Variants in FBLN1 observed in about 807,000 individuals in gnomAD.
FBLN1 encodes fibulin 1, also known as fibulin-1.
In FBLN1, 34 loss-of-function variants were observed where a neutral mutation model predicts 89.7. The ratio of observed to expected loss-of-function variants is 0.38; its 90% CI spans 0.29 to 0.50. The LOEUF (loss-of-function observed/expected upper bound fraction) is 0.50. Among genes scored for constraint, FBLN1 ranks in the 20% least tolerant of loss-of-function variants. The pLI is 0.92. For missense variants in FBLN1, 777 were observed against 988.1 expected (o/e 0.79, Z 2.86); for synonymous variants, 393 against 391.3 (o/e 1.00, Z -0.05).
At chr22:45,543,957 A>G (rs2088592795) in intron 11 of FBLN1, among the ~76,000 whole-genome samples, 1 of 152,204 alleles carries the variant, frequency 6.6e-6, no homozygotes, top group East Asian at 1.9e-4. Context: ...GATGCTGCCT[A>G]GGGGAGACAG....
chr22:45,513,453 C>G (rs138358099), intron 1 of FBLN1, among the ~76,000 whole-genome samples: 43 of 151,918 alleles, frequency 2.8e-4, no homozygotes, highest in Admixed American at 1.5e-3. Context: ...ATTGCAAGCT[C>G]ACCCCACCAA....
At chr22:45,535,899 T>G (rs552175739) in intron 8 of FBLN1, among the ~76,000 whole-genome samples, 3 of 152,364 alleles carry the variant, frequency 2.0e-5, no homozygotes, top group Admixed American at 6.5e-5. Flanking sequence ...TAAAAAATAC[T>G]TGGCTGGGCA....
chr22:45,592,922 T>C (rs904481975), intron 16 of FBLN1, among the ~76,000 whole-genome samples: 2 of 152,222 alleles, frequency 1.3e-5, no homozygotes, highest in Non-Finnish European at 2.9e-5. Flanking sequence ...GTGCAGTCTC[T>C]TGATTCATCA....
intron 2 of FBLN1, among the ~76,000 whole-genome samples, chr22:45,519,160 C>T (rs2088213276): frequency 6.6e-6 from 1 of 152,130 alleles, no homozygotes; most frequent in Admixed American, 6.5e-5. Context: ...GAAACACGGA[C>T]CACCTACAGA....
intron 16 of FBLN1, among the ~76,000 whole-genome samples, chr22:45,584,182 T>C (rs5765498): frequency 0.35 from 53,764 of 151,864 alleles, 11,603 homozygotes; most frequent in Admixed American, 0.52. Context: ...CGAGGCAACA[T>C]AGGATGAGAA....
At position 45,563,154 on chromosome 22, in the gene FBLN1, C is replaced by T. The variant is rs1464869959; in HGVS notation, c.1698-11357C>T. 1 of 1,613,682 alleles carries T rather than the reference C, an allele frequency of 6.2e-7. No individual in the cohort carries two copies. Among genetic ancestry groups the T allele is most frequent in the Non-Finnish European group, 8.5e-7 (1 of 1,180,024 alleles). ...AGTGGGGTGGTGGCCCTCACCAAGC[C>T]TGTCCCCGAGCCCAGGGACTTGCTC... On this transcript the variant is annotated intron_variant, in intron 14 of 16. Transcript: ENST00000327858. The surrounding 1 kb of genome is among the most constrained non-coding windows in gnomAD (Gnocchi z 5.7).
At position 45,569,963 on chromosome 22, in the gene FBLN1, G is replaced by T. The variant is rs2088937266; in HGVS notation, c.1698-4548G>T. ...TAATGAAAGCACACCAGAAAGACGTGCCCAGACTAAATGAAAATTCTAATA... is the reference window on the plus strand; with the variant it reads ...TAATGAAAGCACACCAGAAAGACGTTCCCAGACTAAATGAAAATTCTAATA... On this transcript the variant is annotated intron_variant, in intron 14 of 16. Transcript: ENST00000327858. Among the ~76,000 whole-genome samples, 3 of 152,166 alleles carry T rather than the reference G, an allele frequency of 2.0e-5. No homozygotes were observed. The South Asian group carries it at 6.2e-4, about 32-fold the overall frequency.
intron 16 of FBLN1, among the ~76,000 whole-genome samples, chr22:45,594,854 G>GTGGATGGATGGATGGA (rs112051341): frequency 2.7e-5 from 4 of 150,898 alleles, no homozygotes; most frequent in African/African-American, 9.8e-5. Context: ...GAGTGGGTGG[G>GTGGATGGATGGATGGA]TGGATGGATG....
At position 45,574,692 on chromosome 22, in the gene FBLN1, G is replaced by T. The variant is rs117322538; in HGVS notation, c.1840+39G>T. ...GTGTGGGGGTCCCAGGGCCCCCTAG[G>T]GCCTCCCTCGGCTTCAGCTGAGGGC... On this transcript the variant is annotated intron_variant, in intron 15 of 16. Transcript: ENST00000327858. The surrounding 1 kb of genome is among the most constrained non-coding windows in gnomAD (Gnocchi z 4.1). 0.021 allele frequency: 34,149 copies of T among 1,594,200 alleles called. 440 individuals carry two copies. Among genetic ancestry groups the T allele is most frequent in the Non-Finnish European group, 0.025 (29,750 of 1,168,898 alleles).
chr22:45,526,401 G>C (rs894225286), intron 3 of FBLN1, among the ~76,000 whole-genome samples: 1 of 152,210 alleles, frequency 6.6e-6, no homozygotes. Flanking sequence ...AACCCAAGGT[G>C]TCCAGGCCAT....
At chr22:45,570,517 C>T (rs2088944731) in intron 14 of FBLN1, among the ~76,000 whole-genome samples, 1 of 151,338 alleles carries the variant, frequency 6.6e-6, no homozygotes, top group Admixed American at 6.6e-5. Flanking sequence ...AGTGAATAAA[C>T]AGATAAATAG....
rs1920925753 is a variant in FBLN1 at position 45,600,665 on chromosome 22, C to T, written c.*219C>T. ...GTTGCTCAACTGTTTGGTTGAAAAC[C>T]TTGCTCATTTTTTAATGCGAAGGCT... is the stretch of plus-strand genomic sequence containing the variant. On this transcript the variant is annotated 3_prime_UTR_variant, in exon 17 of 17. Transcript: ENST00000327858. 1 of 611,272 alleles carries T rather than the reference C, an allele frequency of 1.6e-6. No individual in the cohort carries two copies. The highest frequency in any genetic ancestry group is 2.9e-6 in the Non-Finnish European group (1 of 342,202). The allele number at this position is 611,272 out of a possible 1,614,324, so 37.9% of individuals were successfully genotyped here.
At chr22:45,544,794 C>T (rs1447229390) in intron 11 of FBLN1, among the ~76,000 whole-genome samples, 2 of 152,180 alleles carry the variant, frequency 1.3e-5, no homozygotes, top group African/African-American at 4.8e-5. Context: ...TCTTGTGGTT[C>T]TCAGATAACA....
In FBLN1 at chr22:45,532,126, G is replaced by A. The variant is rs1050061150; in HGVS notation, c.544+802G>A. On this transcript the variant is annotated intron_variant, in intron 5 of 16. Coordinates refer to ENST00000327858, the MANE Select transcript of FBLN1 (RefSeq NM_006486.3). The surrounding 1 kb of genome is among the most constrained non-coding windows in gnomAD (Gnocchi z 4.2). ...CCCCTGTGGTTAGGGTGTTAATTAG[G>A]GGCCAGTTTAATTCTTAAATGATGC... Among the ~76,000 whole-genome samples the A allele has an allele frequency of 6.6e-6, 1 of 152,172 alleles. No homozygotes were observed. The highest frequency in any genetic ancestry group is 2.4e-5 in the African/African-American group (1 of 41,422).
rs1401178139 is a variant in FBLN1 at position 45,557,829 on chromosome 22, T to C, written c.1697+7214T>C. 1.3e-5 allele frequency among the ~76,000 whole-genome samples: 2 copies of C among 152,236 alleles called. No homozygotes were observed. Among genetic ancestry groups the C allele is most frequent in the African/African-American group, 2.4e-5 (1 of 41,456 alleles). On this transcript the variant is annotated intron_variant, in intron 14 of 16. Transcript: ENST00000327858. This position sits in a 1 kb window ranked among gnomAD's most constrained non-coding sequence, Gnocchi z 4.9. ...AGTCCCTGACCATCCAGCCAAACCA[T>C]TGGCCACAGCCCATGAATCAGTATG...
chr22:45,564,769 T>C lies in FBLN1; in HGVS notation c.1698-9742T>C, dbSNP rs2088887240. The C allele has an allele frequency of 2.4e-6, 3 of 1,261,744 alleles. No individual in the cohort carries two copies. The Admixed American group carries it at 5.9e-5, about 25-fold the overall frequency. The allele number at this position is 1,261,744 out of a possible 1,614,324, so 78.2% of individuals were successfully genotyped here. A position where few individuals can be genotyped will look rare whatever the true frequency, so the allele number is the denominator to read the frequency against. On this transcript the variant is annotated intron_variant, in intron 14 of 16. Transcript: ENST00000327858. Reference sequence around the variant, plus strand: ...TGTTCCCAGCTCCTTGCAAGACATCTCGCGTGCAGAAGGTGCTCTGTCAAT... The same window carrying C: ...TGTTCCCAGCTCCTTGCAAGACATCCCGCGTGCAGAAGGTGCTCTGTCAAT...
In FBLN1 at chr22:45,532,731, G is replaced by A. The variant is rs1410368915; in HGVS notation, c.545-332G>A. On this transcript the variant is annotated intron_variant, in intron 5 of 16. Transcript: ENST00000327858. The surrounding 1 kb of genome is among the most constrained non-coding windows in gnomAD (Gnocchi z 4.2). ...GCCTAGTTGGGGCCTGGCCTTCCACGTGGAGCCCACACCCCCATGTCTGTG... is the reference window on the plus strand; with the variant it reads ...GCCTAGTTGGGGCCTGGCCTTCCACATGGAGCCCACACCCCCATGTCTGTG... 1.3e-5 allele frequency among the ~76,000 whole-genome samples: 2 copies of A among 152,108 alleles called. No homozygotes were observed. Among genetic ancestry groups the A allele is most frequent in the African/African-American group, 2.4e-5 (1 of 41,420 alleles).
intron 11 of FBLN1, among the ~76,000 whole-genome samples, chr22:45,546,513 C>T (rs1036810617): frequency 8.5e-5 from 13 of 152,220 alleles, no homozygotes; most frequent in Admixed American, 2.6e-4. Context: ...CATGCCTTGC[C>T]GGGCTGTGTT....
chr22:45,596,602 TTACTA>T (rs1273370396), intron 16 of FBLN1, among the ~76,000 whole-genome samples: 6 of 149,070 alleles, frequency 4.0e-5, no homozygotes, highest in East Asian at 1.9e-4. Flanking sequence ...AAGAATATGA[TTACTA>T]TATACATATA....
Sources: gnomAD v4.1 joint callset for allele counts (sites outside exome capture counted in the v4.1 genomes callset) on GRCh38, gnomAD v4.1.1 for gene constraint, Gnocchi (gnomAD v3.1) non-coding constraint, MANE v1.5 for transcripts, NCBI Gene and HGNC (gene_info 2026-07-23, HGNC 2026-07-21) for gene names.